Variants in CPT1A observed in about 807,000 individuals in gnomAD.
CPT1A encodes the protein carnitine palmitoyltransferase 1A, also known as carnitine O-palmitoyltransferase 1, liver isoform.
In CPT1A, 64 loss-of-function variants were observed where a neutral mutation model predicts 100.8. The ratio of observed to expected loss-of-function variants is 0.63; its 90% confidence interval spans 0.52 to 0.78. The LOEUF (loss-of-function observed/expected upper bound fraction) is 0.78. Among genes scored for constraint, CPT1A ranks in the 30% least tolerant of loss-of-function variants. The pLI is 0.00. For missense variants in CPT1A, 802 were observed against 1,034.1 expected, an observed-to-expected ratio of 0.78 and a Z score of 3.08; for synonymous variants, 363 against 396.0, an observed-to-expected ratio of 0.92 and a Z score of 0.99.
intron 1 of CPT1A, among the ~76,000 whole-genome samples, chr11:68,840,448 A>G (rs555417334): frequency 6.6e-6 from 1 of 152,342 alleles, no homozygotes; most frequent in African/African-American, 2.4e-5. Flanking sequence ...ACAAAATACA[A>G]CGTTGCAAAA....
intron 1 of CPT1A, among the ~76,000 whole-genome samples, chr11:68,839,883 T>C (rs1440210586): frequency 6.6e-6 from 1 of 152,202 alleles, no homozygotes; most frequent in Non-Finnish European, 1.5e-5. Flanking sequence ...AGTTTAATTC[T>C]CTTCCCCTCC....
intron 10 of CPT1A, among the ~76,000 whole-genome samples, chr11:68,782,493 C>T (rs1334502517): frequency 2.0e-5 from 3 of 152,188 alleles, no homozygotes; most frequent in South Asian, 2.1e-4. Flanking sequence ...GAGGCAGAGT[C>T]GGAACCCAGG....
intron 5 of CPT1A, among the ~76,000 whole-genome samples, chr11:68,801,969 G>T (rs1855912507): frequency 6.6e-6 from 1 of 152,122 alleles, no homozygotes; most frequent in Non-Finnish European, 1.5e-5. Context: ...CACAAAAAGG[G>T]ATGAAGTTCA....
intron 14 of CPT1A, among the ~76,000 whole-genome samples, 161 bp from the exon 15 acceptor site, chr11:68,762,922 T>C (rs1160379968): frequency 6.6e-6 from 1 of 152,194 alleles, no homozygotes; most frequent in Non-Finnish European, 1.5e-5. Flanking sequence ...AGTAGCATGA[T>C]CACAGCTCAC....
intron 14 of CPT1A, among the ~76,000 whole-genome samples, chr11:68,765,725 G>T (rs559889724): frequency 3.5e-4 from 53 of 152,324 alleles, no homozygotes; most frequent in African/African-American, 1.2e-3. Context: ...CAATACTGTT[G>T]TAAGACAGAT....
chr11:68,813,593 T>C (rs1856284820), intron 2 of CPT1A, among the ~76,000 whole-genome samples: 1 of 148,778 alleles, frequency 6.7e-6, no homozygotes, highest in South Asian at 2.1e-4. Flanking sequence ...TCCCAACTAC[T>C]TGGGTGGATG....
intron 1 of CPT1A, among the ~76,000 whole-genome samples, chr11:68,828,548 C>T (rs1444191155): frequency 2.6e-5 from 4 of 152,244 alleles, no homozygotes; most frequent in African/African-American, 4.8e-5. Context: ...GTCTTGGGCA[C>T]ACCCTGCCAG....
chr11:68,767,321 C>T (rs1594321697), intron 14 of CPT1A, among the ~76,000 whole-genome samples: 1 of 152,160 alleles, frequency 6.6e-6, no homozygotes, highest in Non-Finnish European at 1.5e-5. Flanking sequence ...GATGGCTGGG[C>T]GTGGTGGCTC....
chr11:68,818,192 C>A (rs1420421518), intron 1 of CPT1A, among the ~76,000 whole-genome samples: 1 of 152,062 alleles, frequency 6.6e-6, no homozygotes, highest in Non-Finnish European at 1.5e-5. Flanking sequence ...GGACAATGAC[C>A]CACACAAGAC....
In CPT1A at chr11:68,819,226, C is replaced by T. The variant is rs151059068; in HGVS notation, c.-13-3739G>A. 4.6e-5 allele frequency among the ~76,000 whole-genome samples: 7 copies of T among 152,266 alleles called. No individual in the cohort carries two copies. In the East Asian group the frequency reaches 1.2e-3, roughly 25 times the overall value. ...CCCGAGTAGCTGGGCTTACAAGTGC[C>T]TGCCACCACGCCTGGCTAATTTTTT... On this transcript the variant is annotated intron_variant, in intron 1 of 18. Transcript: ENST00000265641.
At chr11:68,761,431 C>A in intron 16 of CPT1A, 104 bp downstream of exon 16, 4 of 1,355,740 alleles carry the variant, frequency 3.0e-6, no homozygotes, top group South Asian at 1.2e-5. Flanking sequence ...CCGTTTTTTT[C>A]AAATGCCCAT....
chr11:68,841,468 C>A lies in CPT1A; in HGVS notation c.-14+307G>T, dbSNP rs1191041569. Among the ~76,000 whole-genome samples the A allele has an allele frequency of 2.6e-5, 4 of 151,644 alleles. No homozygotes were observed. The highest frequency in any genetic ancestry group is 9.7e-5 in the African/African-American group (4 of 41,260). On this transcript the variant is annotated intron_variant, in intron 1 of 18. Transcript: ENST00000265641. The surrounding 1 kb of genome is among the most constrained non-coding windows in gnomAD (Gnocchi z 6.3). ...CTGGCCCCGGGCCGGAGGCGTCCAG[C>A]CAAGTCCGGAGGGCCGAGCATCCCT...
In CPT1A at chr11:68,780,749, C is replaced by A. The variant is rs577271875; in HGVS notation, c.1353-4G>T. 6.2e-6 allele frequency: 10 copies of A among 1,612,540 alleles called. No homozygotes were observed. Among genetic ancestry groups the A allele is most frequent in the Non-Finnish European group, 7.6e-6 (9 of 1,178,550 alleles). On this transcript the variant is annotated splice_polypyrimidine_tract_variant and splice_region_variant and intron_variant, in intron 11 of 18. Coordinates refer to ENST00000265641, the MANE Select transcript of CPT1A (RefSeq NM_001876.4). ...CGTGAACGACTTGTCAAACCACCTA[C>A]GTGAAACACACATGTGTGGAACTTA... is the stretch of plus-strand genomic sequence containing the variant.
intron 7 of CPT1A, 30 bp from the exon 8 acceptor site, chr11:68,794,941 G>T: frequency 6.4e-7 from 1 of 1,570,286 alleles, no homozygotes; most frequent in Non-Finnish European, 8.8e-7. Context: ...GAGAGAATTT[G>T]CATAGGGAAA....
Position 68,762,708 on chromosome 11 carries a change from T to C in CPT1A, c.1794A>G (p.Arg598=). 6.2e-7 allele frequency: 1 copy of C among 1,613,856 alleles called. No individual in the cohort carries two copies. Among genetic ancestry groups the C allele is most frequent in the Non-Finnish European group, 8.5e-7 (1 of 1,179,970 alleles). ...AGCGCACGGTCTCCGTCCTCCCCTC[T>C]CGGAAGAGCCGGGTCATGGAGGCCT... ...TYEASMTRLF[R]EGRTETVRSC... Residue 598 remains arginine, a synonymous_variant, in exon 15 of 19, where the codon CGA becomes CGG. Coordinates refer to ENST00000265641, the MANE Select transcript of CPT1A (RefSeq NM_001876.4).
At chr11:68,770,343 C>T (rs1854954493) in intron 14 of CPT1A, among the ~76,000 whole-genome samples, 1 of 152,204 alleles carries the variant, frequency 6.6e-6, no homozygotes, top group African/African-American at 2.4e-5. Flanking sequence ...GCTGGGCCGG[C>T]TCACTGGGTG....
rs375809779 is a variant in CPT1A at position 68,761,561 on chromosome 11, C to A, written c.2002G>T (p.Ala668Ser). The A allele has an allele frequency of 3.7e-6, 6 of 1,613,988 alleles. No individual in the cohort carries two copies. Among genetic ancestry groups the A allele is most frequent in the South Asian group, 3.3e-5 (3 of 91,064 alleles). ...FCLYVVSKYLAVESPFLKEVL... is the reference protein window; with the variant it reads ...FCLYVVSKYLSVESPFLKEVL... The stretch of plus-strand genomic sequence containing the variant: ...TCCTTAAGGAAAGGGGACTCCACAG[C>A]GAGATATTTAGACACCACGTAAAGG... The change falls in exon 16 of 19, where the codon GCT becomes TCT. Residue 668 changes from alanine (A) to serine (S), a missense_variant. Coordinates refer to ENST00000265641, the MANE Select transcript of CPT1A (RefSeq NM_001876.4).
chr11:68,802,430 GAAA>G lies in CPT1A; in HGVS notation c.555+1567_555+1569del, dbSNP rs71043451. 3.6e-3 allele frequency among the ~76,000 whole-genome samples: 511 copies of G among 143,182 alleles called. 2 individuals carry two copies. Among genetic ancestry groups the G allele is most frequent in the African/African-American group, 6.9e-3 (266 of 38,718 alleles). 93.9% of individuals were successfully genotyped at this position (143,182 alleles called of 152,430 possible). A position where few individuals can be genotyped will look rare whatever the true frequency, so the allele number is the denominator to read the frequency against. On this transcript the variant is annotated intron_variant, in intron 5 of 18. Transcript: ENST00000265641. ...ACAAGACAGTGAAACTCCGTCTCTG[GAAA>G]AAAAAAAAAAAAATAGGGCCAGGCG...
At chr11:68,833,049 G>C (rs1471932715) in intron 1 of CPT1A, among the ~76,000 whole-genome samples, 2 of 152,214 alleles carry the variant, frequency 1.3e-5, no homozygotes, top group Non-Finnish European at 1.5e-5. Context: ...GGAAGATTCT[G>C]CTTCGCTAGA....
Sources: allele counts gnomAD v4.1 joint callset (sites outside exome capture counted in the v4.1 genomes callset), GRCh38; gene constraint gnomAD v4.1.1; non-coding constraint Gnocchi (gnomAD v3.1); transcripts MANE v1.5; gene names NCBI Gene and HGNC (gene_info 2026-07-23, HGNC 2026-07-21).